LINGO1: variants seen among roughly 807,000 people sequenced by gnomAD.
LINGO1 encodes the protein leucine rich repeat and Ig domain containing 1, also known as leucine-rich repeat and immunoglobulin-like domain-containing nogo receptor-interacting protein 1.
LINGO1 carries 11 observed loss-of-function variants against 37.3 expected under a neutral mutation model. The ratio of observed to expected loss-of-function variants is 0.29; its 90% CI spans 0.19 to 0.49. The LOEUF is 0.49. Among genes scored for constraint, LINGO1 ranks in the 20% least tolerant of loss-of-function variants. LINGO1 has a pLI of 0.99. For synonymous variants in LINGO1, 387 were observed against 403.0 expected, an observed-to-expected ratio of 0.96 and a Z score of 0.48; for missense variants, 585 against 878.2, an observed-to-expected ratio of 0.67 and a Z score of 4.22.
At chr15:77,724,112 A>T (rs937746562) in intron 2 of LINGO1, among the ~76,000 whole-genome samples, 1 of 151,978 alleles carries the variant, frequency 6.6e-6, no homozygotes, top group African/African-American at 2.4e-5. Flanking sequence ...CCGGAGCAGG[A>T]GCGGGGAGTG....
chr15:77,799,957 C>T (rs2076904154), intron 1 of LINGO1, among the ~76,000 whole-genome samples: 1 of 152,122 alleles, frequency 6.6e-6, no homozygotes, highest in Non-Finnish European at 1.5e-5. Context: ...GAAACCAAGG[C>T]CCTGAGAGGT....
rs999763949 is a variant in LINGO1 at position 77,720,297 on chromosome 15, G to A, written c.-195+14695C>T. On this transcript the variant is annotated intron_variant, in intron 2 of 3. Transcript: ENST00000561686. The stretch of plus-strand genomic sequence containing the variant: ...TAAACGGCGTTTTTATTCTGCAGCC[G>A]ACTCTGCCAAGCAGTGCCCCGGCCT... Among the ~76,000 whole-genome samples the A allele has an allele frequency of 3.9e-5, 6 of 152,200 alleles. No individual in the cohort carries two copies. The South Asian group carries it at 8.3e-4, about 21-fold the overall frequency.
At chr15:77,815,522 A>G (rs1270725099) in intron 1 of LINGO1, among the ~76,000 whole-genome samples, 1 of 152,190 alleles carries the variant, frequency 6.6e-6, no homozygotes, top group Non-Finnish European at 1.5e-5. Flanking sequence ...CACGGAGACA[A>G]ACAAATGTGT....
At chr15:77,713,209 A>AG (rs2075940227) in intron 2 of LINGO1, among the ~76,000 whole-genome samples, 11 of 56,360 alleles carry the variant, frequency 2.0e-4, no homozygotes, top group African/African-American at 6.0e-4. Context: ...TGCCCAGCTA[A>AG]TTGTGTGTGT....
At chr15:77,721,571 T>C (rs917526291) in intron 2 of LINGO1, among the ~76,000 whole-genome samples, 5 of 152,206 alleles carry the variant, frequency 3.3e-5, no homozygotes, top group African/African-American at 1.2e-4. Flanking sequence ...AGAAGCTCCA[T>C]GAAGAACCCG....
chr15:77,772,178 C>CATAA (rs766555061), intron 1 of LINGO1, among the ~76,000 whole-genome samples: 56 of 152,348 alleles, frequency 3.7e-4, no homozygotes, highest in South Asian at 1.2e-3. Flanking sequence ...CTCCACCTGG[C>CATAA]TTATCTAACC....
chr15:77,710,962 C>T (rs1386273743), intron 2 of LINGO1, among the ~76,000 whole-genome samples: 1 of 152,242 alleles, frequency 6.6e-6, no homozygotes, highest in Non-Finnish European at 1.5e-5. Flanking sequence ...AAGATTGAGA[C>T]GTCTGCAGGA....
intron 1 of LINGO1, among the ~76,000 whole-genome samples, chr15:77,777,206 C>T (rs1232028705): frequency 1.3e-5 from 2 of 152,104 alleles, no homozygotes; most frequent in Non-Finnish European, 2.9e-5. Context: ...ATTTATGGTG[C>T]GGTCAACCAG....
chr15:77,708,849 G>A (rs1458561758), intron 2 of LINGO1, among the ~76,000 whole-genome samples: 1 of 152,230 alleles, frequency 6.6e-6, no homozygotes, highest in Non-Finnish European at 1.5e-5. Flanking sequence ...AGGAGGCGGA[G>A]GTTGCAGTGA....
upstream of LINGO1, among the ~76,000 whole-genome samples, chr15:77,633,009 G>A (rs2074312996): frequency 6.6e-6 from 1 of 151,332 alleles, no homozygotes; most frequent in Admixed American, 6.6e-5. Context: ...CGCAAAACCT[G>A]GTGATGGTGG....
intron 1 of LINGO1, among the ~76,000 whole-genome samples, chr15:77,782,359 C>T (rs747051292): frequency 1.2e-4 from 19 of 152,288 alleles, no homozygotes; most frequent in Non-Finnish European, 2.2e-4. Context: ...CTCCGCTCCA[C>T]GCAGGGATCT....
At chr15:77,814,007 A>T (rs1208229657) in intron 1 of LINGO1, among the ~76,000 whole-genome samples, 4 of 143,266 alleles carry the variant, frequency 2.8e-5, no homozygotes, top group Non-Finnish European at 6.1e-5. Context: ...AAGCCCCCCC[A>T]ATCTCAGCCC....
intron 1 of LINGO1, among the ~76,000 whole-genome samples, chr15:77,815,474 G>A (rs1303126306): frequency 2.6e-5 from 4 of 152,114 alleles, no homozygotes; most frequent in African/African-American, 7.2e-5. Context: ...GCCCTCCTCC[G>A]AGGTTACAAA....
rs78661720 is a variant in LINGO1 at position 77,802,180 on chromosome 15, A to G, written c.-457-6127T>C. On this transcript the variant is annotated intron_variant, in intron 1 of 5. Transcript: ENST00000562933. ...TGGGGCATGCAGGTATGTGGTGCTT[A>G]CAGATAGAGGGCACATGTGGGTCTG... is the stretch of plus-strand genomic sequence containing the variant. 1.2e-4 allele frequency among the ~76,000 whole-genome samples: 18 copies of G among 152,160 alleles called. No homozygotes were observed. The East Asian group carries it at 2.9e-3, about 25-fold the overall frequency.
intron 1 of LINGO1, among the ~76,000 whole-genome samples, chr15:77,810,105 T>C (rs1180691082): frequency 6.6e-6 from 1 of 151,804 alleles, no homozygotes; most frequent in African/African-American, 2.4e-5. Flanking sequence ...GGGGGCTCAC[T>C]ATGGACAGGA....
At chr15:77,670,642 C>T (rs2075231905) in intron 3 of LINGO1, among the ~76,000 whole-genome samples, 1 of 152,270 alleles carries the variant, frequency 6.6e-6, no homozygotes, top group Non-Finnish European at 1.5e-5. Flanking sequence ...GCCCCAGTCT[C>T]AGGTGAGGCC....
chr15:77,756,328 T>C (rs533738098), intron 1 of LINGO1, among the ~76,000 whole-genome samples: 6 of 152,292 alleles, frequency 3.9e-5, no homozygotes, highest in African/African-American at 1.4e-4. Flanking sequence ...AGCTCGGACA[T>C]TTTGACACCC....
At chr15:77,621,599 G>A (rs2073923114) in intron 1 of LINGO1, among the ~76,000 whole-genome samples, 1 of 152,194 alleles carries the variant, frequency 6.6e-6, no homozygotes, top group South Asian at 2.1e-4. Flanking sequence ...TGTCAGGGTG[G>A]TGCTAGGGTG....
chr15:77,631,213 C>T (rs568543567), intron 1 of LINGO1, among the ~76,000 whole-genome samples: 33 of 152,278 alleles, frequency 2.2e-4, no homozygotes, highest in African/African-American at 3.6e-4. Context: ...CTGGGCTATG[C>T]GCCCTCTGGC....
Sources: gnomAD v4.1 joint callset for allele counts (sites outside exome capture counted in the v4.1 genomes callset) on GRCh38, gnomAD v4.1.1 for gene constraint, MANE v1.5 for transcripts, NCBI Gene and HGNC (gene_info 2026-07-23, HGNC 2026-07-21) for gene names.